BRWD3: variants seen among roughly 807,000 people sequenced by gnomAD.
BRWD3 encodes the protein bromodomain and WD repeat domain containing 3.
A neutral mutation model predicts 149.7 loss-of-function variants in BRWD3; 10 were observed. The ratio of observed to expected loss-of-function variants is 0.07; its 90% CI spans 0.04 to 0.11. BRWD3 has a LOEUF of 0.11. Among genes scored for constraint, BRWD3 ranks in the 10% least tolerant of loss-of-function variants. The pLI is 1.00. For missense variants in BRWD3, 940 were observed against 1,373.2 expected (o/e 0.68, Z 4.99); for synonymous variants, 504 against 456.7 (o/e 1.10, Z -1.32).
chrX:80,696,159 G>A (rs759406631), intron 26 of BRWD3, among the ~76,000 whole-genome samples, 169 bp from the exon 27 acceptor site: 1 of 111,208 alleles, frequency 9.0e-6, no homozygotes, highest in African/African-American at 3.3e-5. Context: ...CTGTTTGGGA[G>A]TGCCCTGCCT....
intron 4 of BRWD3, among the ~76,000 whole-genome samples, chrX:80,800,570 T>A: frequency 9.5e-6 from 1 of 105,444 alleles, no homozygotes; most frequent in African/African-American, 3.5e-5. Context: ...TACAAATACT[T>A]GTACAAAAAA....
chrX:80,757,909 A>C, intron 6 of BRWD3, among the ~76,000 whole-genome samples: 1 of 112,474 alleles, frequency 8.9e-6, no homozygotes, highest in Non-Finnish European at 1.9e-5. Context: ...GATTATAAAC[A>C]AGTCAAATAG....
Position 80,808,468 on chromosome X carries a change from G to A in BRWD3, c.180+71C>T, listed in dbSNP as rs2074372825. 3 of 869,345 alleles carry A rather than the reference G, an allele frequency of 3.5e-6. No homozygotes were observed. The East Asian group carries it at 9.6e-5, about 28-fold the overall frequency. 71.6% of individuals were successfully genotyped at this position (869,345 alleles called of 1,213,427 possible). A position where few individuals can be genotyped will look rare whatever the true frequency, so the allele number is the denominator to read the frequency against. On this transcript the variant is annotated intron_variant, in intron 4 of 40. Transcript: ENST00000373275. Reference sequence around the variant, plus strand: ...CCTCGTCGGCTGAGAGGTGGGGGGCGGGTTGGGGGTACAAGGTGGGGAGGG... The same window carrying A: ...CCTCGTCGGCTGAGAGGTGGGGGGCAGGTTGGGGGTACAAGGTGGGGAGGG...
At chrX:80,797,837 T>C (rs2074254310) in intron 4 of BRWD3, among the ~76,000 whole-genome samples, 1 of 111,581 alleles carries the variant, frequency 9.0e-6, no homozygotes, top group Admixed American at 9.6e-5. Flanking sequence ...GGCTCATGCC[T>C]GTCATCTCAG....
chrX:80,705,183 T>C (rs1189791405), intron 22 of BRWD3, among the ~76,000 whole-genome samples: 2 of 110,133 alleles, frequency 1.8e-5, no homozygotes, highest in Non-Finnish European at 3.8e-5. Flanking sequence ...GAAGAATCAC[T>C]TGAATCCAAG....
At chrX:80,710,202 G>T in intron 20 of BRWD3, 1 of 458,135 alleles carries the variant, frequency 2.2e-6, no homozygotes. Context: ...TTCGATTCCA[G>T]ATTTGTATCT....
chrX:80,728,985 T>C lies in BRWD3; in HGVS notation c.1233-80A>G. On this transcript the variant is annotated intron_variant, in intron 13 of 40. Transcript: ENST00000373275. ...TGTTAAATAGCAAATTATGACAAAA[T>C]TTCTCCAGGAGTATACAACTGTTTA... is the stretch of plus-strand genomic sequence containing the variant. 3.4e-6 allele frequency: 3 copies of C among 871,770 alleles called. No individual in the cohort carries two copies. The Middle Eastern group carries it at 9.2e-4, about 268-fold the overall frequency. The allele number at this position is 871,770 out of a possible 1,213,427, so 71.8% of individuals were successfully genotyped here.
At position 80,717,592 on chromosome X, in the gene BRWD3, G is replaced by T. The variant is rs2073091373; in HGVS notation, c.2212C>A (p.Leu738Ile). ...AWSRRVVVNE[L>I]NNGVSRVQEE... ...ACTCACCTACTAACCCCATTATTTAGTTCATTGACCACCACTCTTCTGCTC... is the reference window on the plus strand; with the variant it reads ...ACTCACCTACTAACCCCATTATTTATTTCATTGACCACCACTCTTCTGCTC... The change falls in exon 19 of 41, where the codon CTA (leucine) becomes ATA (isoleucine). Residue 738 changes from leucine (L) to isoleucine (I), a missense_variant. By Grantham distance (5) the Leu-to-Ile change is conservative (BLOSUM62 2). Coordinates refer to ENST00000373275, the MANE Select transcript of BRWD3 (RefSeq NM_153252.5). 8.3e-7 allele frequency: 1 copy of T among 1,208,905 alleles called. No individual in the cohort carries two copies. Among genetic ancestry groups the T allele is most frequent in the African/African-American group, 1.8e-5 (1 of 56,986 alleles).
intron 6 of BRWD3, among the ~76,000 whole-genome samples, chrX:80,770,985 G>A (rs898466828): frequency 1.3e-4 from 14 of 111,456 alleles, no homozygotes; most frequent in Admixed American, 3.8e-4. Flanking sequence ...CAAATCATGA[G>A]TGAACTCCCA....
chrX:80,722,888 T>C, intron 16 of BRWD3, 101 bp from the exon 17 acceptor site: 1 of 711,935 alleles, frequency 1.4e-6, no homozygotes, highest in Non-Finnish European at 2.2e-6. Context: ...TCAGAGAATC[T>C]TTTGCATACT....
intron 6 of BRWD3, among the ~76,000 whole-genome samples, chrX:80,751,293 T>C (rs1480080041): frequency 8.9e-6 from 1 of 112,242 alleles, no homozygotes; most frequent in Non-Finnish European, 1.9e-5. Context: ...GTGATGGATA[T>C]GCTAATTAGT....
intron 2 of BRWD3, 64 bp downstream of exon 2, chrX:80,809,182 C>G (rs2074383519): frequency 2.6e-6 from 3 of 1,153,280 alleles, no homozygotes; most frequent in East Asian, 3.1e-5. Context: ...CTGCTCGTCC[C>G]GCTGCCTCGA....
chrX:80,714,838 G>A (rs1017781275), intron 20 of BRWD3, among the ~76,000 whole-genome samples: 16 of 112,425 alleles, frequency 1.4e-4, no homozygotes, highest in Non-Finnish European at 3.0e-4. Context: ...TAGAAGAAGA[G>A]AAATTGAGTA....
Position 80,710,101 on chromosome X carries a change from A to G in BRWD3, c.2326-524T>C, listed in dbSNP as rs779040607. On this transcript the variant is annotated intron_variant, in intron 20 of 40. Coordinates refer to ENST00000373275, the MANE Select transcript of BRWD3 (RefSeq NM_153252.5). Reference sequence around the variant, plus strand: ...CGGAGCTTGCAGCTCATCAGAAAAAAATTCTCCATATTGACAAACATATTG... The same window carrying G: ...CGGAGCTTGCAGCTCATCAGAAAAAGATTCTCCATATTGACAAACATATTG... The G allele has an allele frequency of 3.9e-5, 27 of 684,490 alleles. No homozygotes were observed. In the South Asian group the frequency reaches 5.8e-4, roughly 15 times the overall value. The allele number at this position is 684,490 out of a possible 1,213,427, so 56.4% of individuals were successfully genotyped here. A position where few individuals can be genotyped will look rare whatever the true frequency, so the allele number is the denominator to read the frequency against.
chrX:80,785,169 T>C (rs1042072689), intron 6 of BRWD3, among the ~76,000 whole-genome samples: 5 of 112,268 alleles, frequency 4.5e-5, no homozygotes, highest in Non-Finnish European at 9.4e-5. Context: ...ACCACAAATA[T>C]TAATTACATA....
At chrX:80,772,297 T>C (rs1235091875) in intron 6 of BRWD3, among the ~76,000 whole-genome samples, 1 of 111,395 alleles carries the variant, frequency 9.0e-6, no homozygotes, top group Admixed American at 9.6e-5. Flanking sequence ...CATAAAAAAG[T>C]ATGAGTTCAT....
intron 20 of BRWD3, among the ~76,000 whole-genome samples, chrX:80,713,768 T>C (rs1428144851): frequency 1.8e-5 from 2 of 112,382 alleles, no homozygotes; most frequent in East Asian, 5.6e-4. Context: ...CAAAACAATC[T>C]ACATACAAAA....
intron 14 of BRWD3, among the ~76,000 whole-genome samples, chrX:80,726,425 T>C (rs1251134667): frequency 9.0e-6 from 1 of 110,852 alleles, no homozygotes; most frequent in African/African-American, 3.3e-5. Flanking sequence ...ATATGCCTCA[T>C]AAAGGAAAAG....
intron 6 of BRWD3, among the ~76,000 whole-genome samples, chrX:80,749,940 C>A (rs2073643674): frequency 9.0e-6 from 1 of 111,380 alleles, no homozygotes; most frequent in Non-Finnish European, 1.9e-5. Flanking sequence ...TTCACCCAAG[C>A]ATTTAAAATA....
Sources: allele counts gnomAD v4.1 joint callset (sites outside exome capture counted in the v4.1 genomes callset), GRCh38; gene constraint gnomAD v4.1.1; transcripts MANE v1.5; gene names NCBI Gene and HGNC (gene_info 2026-07-23, HGNC 2026-07-21).